The following ARAP2 variants were observed in gnomAD, a reference collection of about 807,000 sequenced individuals.
ARAP2 encodes arf-GAP with Rho-GAP domain, ANK repeat and PH domain-containing protein 2.
In ARAP2, 148 loss-of-function variants were observed where a neutral mutation model predicts 194.5. The observed-to-expected ratio is 0.76, with a 90% CI of 0.67 to 0.87. ARAP2 has a LOEUF of 0.87. Ranked by LOEUF, ARAP2 falls within the 40% of genes least tolerant of loss-of-function variation. The pLI is 0.00. For missense variants in ARAP2, 2,128 were observed against 1,989.7 expected, an observed-to-expected ratio of 1.07 and a Z score of -1.32; for synonymous variants, 695 against 683.5, an observed-to-expected ratio of 1.02 and a Z score of -0.26.
At position 36,086,707 on chromosome 4, in the gene ARAP2, G is replaced by A. The variant is rs183894605; in HGVS notation, c.4426-3257C>T. ...ATTTCAAAGTGAAGTTTTTAAGTTA[G>A]CCAATTAAATGAGTGTGCTTAAACA... On this transcript the variant is annotated intron_variant, in intron 28 of 32. Transcript: ENST00000303965. Among the ~76,000 whole-genome samples, 3 of 152,192 alleles carry A rather than the reference G, an allele frequency of 2.0e-5. No homozygotes were observed. The East Asian group carries it at 5.8e-4, about 29-fold the overall frequency.
chr4:36,030,786 A>T (rs1718781944), intron 5 of ARAP2, among the ~76,000 whole-genome samples: 1 of 139,294 alleles, frequency 7.2e-6, no homozygotes, highest in Non-Finnish European at 1.5e-5. Context: ...CTCTTGTTTG[A>T]CATTGTCTAC....
chr4:36,208,534 C>T (rs774025340), intron 6 of ARAP2, among the ~76,000 whole-genome samples: 5 of 152,136 alleles, frequency 3.3e-5, no homozygotes, highest in African/African-American at 1.2e-4. Flanking sequence ...CAAAGAGACA[C>T]GCAGCCATGA....
intron 4 of ARAP2, among the ~76,000 whole-genome samples, chr4:36,212,871 T>C (rs1411478639): frequency 6.6e-6 from 1 of 152,034 alleles, no homozygotes; most frequent in African/African-American, 2.4e-5. Context: ...AACTAAATAA[T>C]TAAAATATAT....
In ARAP2 at chr4:36,124,836, C is replaced by T. The variant is rs760576431; in HGVS notation, c.3746+26G>A. The T allele has an allele frequency of 1.5e-5, 22 of 1,420,148 alleles. No individual in the cohort carries two copies. In the East Asian group the frequency reaches 2.8e-4, roughly 18 times the overall value. The allele number at this position is 1,420,148 out of a possible 1,614,324, so 88.0% of individuals were successfully genotyped here. A position where few individuals can be genotyped will look rare whatever the true frequency, so the allele number is the denominator to read the frequency against. The stretch of plus-strand genomic sequence containing the variant: ...TTATTGAGTGCTGTGTTTGAAATGT[C>T]GAGAAAAGTTCATTCATCTACCCAC... On this transcript the variant is annotated intron_variant, in intron 22 of 32. Coordinates refer to ENST00000303965, the MANE Select transcript of ARAP2 (RefSeq NM_015230.4).
intron 27 of ARAP2, among the ~76,000 whole-genome samples, chr4:36,095,041 A>T (rs1714790986): frequency 6.6e-6 from 1 of 152,156 alleles, no homozygotes; most frequent in African/African-American, 2.4e-5. Flanking sequence ...TGTCAGATTC[A>T]TCTATTTTTG....
intron 5 of ARAP2, among the ~76,000 whole-genome samples, chr4:36,029,202 C>T (rs1323286432): frequency 4.6e-5 from 7 of 151,908 alleles, no homozygotes; most frequent in East Asian, 3.8e-4. Context: ...CATAGTGTGT[C>T]GAAGGCCAAA....
At chr4:36,164,129 C>T (rs1734732175) in intron 11 of ARAP2, among the ~76,000 whole-genome samples, 1 of 152,124 alleles carries the variant, frequency 6.6e-6, no homozygotes. Flanking sequence ...GTTTTTAATT[C>T]CCCGCACCAG....
At chr4:36,022,281 T>C (rs970196103) in intron 5 of ARAP2, among the ~76,000 whole-genome samples, 5 of 152,244 alleles carry the variant, frequency 3.3e-5, no homozygotes, top group Middle Eastern at 3.4e-3. Context: ...GCTACACTTA[T>C]GTTTAAGGAT....
At chr4:36,057,644 G>A (rs982823855) in intron 2 of ARAP2, among the ~76,000 whole-genome samples, 3 of 151,604 alleles carry the variant, frequency 2.0e-5, no homozygotes, top group African/African-American at 4.8e-5. Context: ...AAACCCATTT[G>A]TTTTTAACTT....
intron 11 of ARAP2, among the ~76,000 whole-genome samples, chr4:36,162,669 C>A (rs1221108284): frequency 2.1e-5 from 3 of 145,336 alleles, no homozygotes; most frequent in Non-Finnish European, 4.5e-5. Flanking sequence ...TGGAAGAAAT[C>A]TGCATAGGTT....
intron 21 of ARAP2, among the ~76,000 whole-genome samples, chr4:36,127,113 G>A (rs926821317): frequency 6.6e-6 from 1 of 152,024 alleles, no homozygotes; most frequent in East Asian, 1.9e-4. Flanking sequence ...TGGGATTATA[G>A]GCGTGAGCCA....
At chr4:36,201,630 A>G (rs1439649014) in intron 6 of ARAP2, among the ~76,000 whole-genome samples, 1 of 152,202 alleles carries the variant, frequency 6.6e-6, no homozygotes, top group Admixed American at 6.5e-5. Context: ...AACTGCTTTC[A>G]TAAAAACAGC....
chr4:36,083,904 A>G (rs1730209618), intron 28 of ARAP2, among the ~76,000 whole-genome samples: 1 of 152,246 alleles, frequency 6.6e-6, no homozygotes, highest in African/African-American at 2.4e-5. Context: ...TAGTGTGGCT[A>G]GAATAAAGCA....
intron 8 of ARAP2, among the ~76,000 whole-genome samples, chr4:36,186,285 C>T (rs1378813899): frequency 6.6e-6 from 1 of 152,072 alleles, no homozygotes; most frequent in Non-Finnish European, 1.5e-5. Context: ...AAATACACAA[C>T]AGAGAACTTT....
At chr4:36,149,559 T>G (rs977366524) in intron 16 of ARAP2, among the ~76,000 whole-genome samples, 3 of 152,226 alleles carry the variant, frequency 2.0e-5, no homozygotes, top group Non-Finnish European at 4.4e-5. Flanking sequence ...TCTCTCTGCA[T>G]AGCTACTTGT....
At chr4:36,207,806 C>T (rs1336066676) in intron 6 of ARAP2, among the ~76,000 whole-genome samples, 2 of 151,984 alleles carry the variant, frequency 1.3e-5, no homozygotes, top group African/African-American at 4.8e-5. Flanking sequence ...GAGTTCACTA[C>T]CCTGTTAATG....
chr4:36,127,007 T>C (rs1477138423), intron 21 of ARAP2, among the ~76,000 whole-genome samples: 1 of 151,926 alleles, frequency 6.6e-6, no homozygotes, highest in African/African-American at 2.4e-5. Flanking sequence ...AGCTAACACT[T>C]CTATTTTTTG....
At chr4:36,016,542 C>T (rs1369399325) in intron 6 of ARAP2, among the ~76,000 whole-genome samples, 1 of 151,984 alleles carries the variant, frequency 6.6e-6, no homozygotes, top group East Asian at 1.9e-4. Context: ...GAAATATAAT[C>T]CAGATTGTGT....
intron 15 of ARAP2, among the ~76,000 whole-genome samples, chr4:36,156,984 T>C (rs1044215321): frequency 2.6e-5 from 4 of 152,206 alleles, no homozygotes; most frequent in Non-Finnish European, 4.4e-5. Context: ...CAATTGTTTA[T>C]TACATCAATG....
Sources: allele counts gnomAD v4.1 joint callset (sites outside exome capture counted in the v4.1 genomes callset), GRCh38; gene constraint gnomAD v4.1.1; transcripts MANE v1.5; gene names NCBI Gene and HGNC (gene_info 2026-07-23, HGNC 2026-07-21).